The following THRB variants were observed in gnomAD, a reference collection of about 807,000 sequenced individuals.
THRB encodes nuclear receptor subfamily 1 group A member 2.
THRB carries 12 observed loss-of-function variants against 47.8 expected under a neutral mutation model. The ratio of observed to expected loss-of-function variants is 0.25; its 90% confidence interval spans 0.16 to 0.41. The LOEUF (loss-of-function observed/expected upper bound fraction) is 0.41, where lower values mean the gene tolerates loss of function less well. THRB is among the 10% of genes least tolerant of loss of function. The pLI is 1.00. For missense variants in THRB, 348 were observed against 589.2 expected (o/e 0.59, Z 4.24); for synonymous variants, 218 against 212.2 (o/e 1.03, Z -0.24).
intron 1 of THRB, among the ~76,000 whole-genome samples, chr3:24,367,824 C>A (rs1244214181): frequency 1.3e-5 from 2 of 152,094 alleles, no homozygotes; most frequent in African/African-American, 4.8e-5. Context: ...AACTAAAACA[C>A]AAAGAGTAAG....
intron 1 of THRB, among the ~76,000 whole-genome samples, chr3:24,438,498 A>C (rs546887280): frequency 1.6e-5 from 2 of 127,350 alleles, no homozygotes; most frequent in South Asian, 5.9e-4. Context: ...TGTCAGAGAG[A>C]ACAAAAAGGT....
intron 1 of THRB, among the ~76,000 whole-genome samples, chr3:24,402,419 C>T (rs377142366): frequency 2.7e-4 from 41 of 151,724 alleles, no homozygotes; most frequent in African/African-American, 9.2e-4. Context: ...AATTTGGGAA[C>T]TGCTGTTCTA....
intron 4 of THRB, among the ~76,000 whole-genome samples, chr3:24,206,116 T>C (rs1392016572): frequency 6.6e-6 from 1 of 152,024 alleles, no homozygotes. Context: ...AACAAGGATA[T>C]CCAGGAATTG....
intron 5 of THRB, among the ~76,000 whole-genome samples, chr3:24,152,733 G>A (rs906247105): frequency 6.6e-6 from 1 of 152,026 alleles, no homozygotes; most frequent in African/African-American, 2.4e-5. Flanking sequence ...GGCCCAGGCA[G>A]GTGGATCACC....
chr3:24,354,826 C>T lies in THRB; in HGVS notation c.-260-17455G>A, dbSNP rs116271714. The stretch of plus-strand genomic sequence containing the variant: ...TTTCCATCCATCCTCCAATGAGGAG[C>T]TCACAGAAGGCTCAAGATAAAAAAG... On this transcript the variant is annotated intron_variant, in intron 1 of 10. Coordinates refer to ENST00000646209, the MANE Select transcript of THRB (RefSeq NM_001354712.2). 3.3e-3 allele frequency among the ~76,000 whole-genome samples: 495 copies of T among 152,226 alleles called. 1 individual carries two copies. Among genetic ancestry groups the T allele is most frequent in the African/African-American group, 0.011 (466 of 41,544 alleles).
chr3:24,336,306 T>TA (rs1483534265), intron 2 of THRB, among the ~76,000 whole-genome samples: 1 of 152,026 alleles, frequency 6.6e-6, no homozygotes, highest in African/African-American at 2.4e-5. Flanking sequence ...GCCTCGACAA[T>TA]AGGCCAGAGG....
intron 3 of THRB, among the ~76,000 whole-genome samples, chr3:24,268,006 G>T (rs533782280): frequency 2.0e-5 from 3 of 152,210 alleles, no homozygotes; most frequent in Admixed American, 2.0e-4. Context: ...GGCACACAAA[G>T]AAAGTTCTCT....
chr3:24,264,367 G>T (rs2052418453), intron 3 of THRB, among the ~76,000 whole-genome samples: 1 of 152,058 alleles, frequency 6.6e-6, no homozygotes, highest in Admixed American at 6.6e-5. Context: ...AAAAATAACT[G>T]TGTTTATTGT....
intron 3 of THRB, among the ~76,000 whole-genome samples, chr3:24,295,812 T>A (rs1407031165): frequency 6.6e-6 from 1 of 152,216 alleles, no homozygotes; most frequent in Non-Finnish European, 1.5e-5. Context: ...AGGTTCCCTA[T>A]CTGTAAAGCG....
chr3:24,205,677 A>C lies in THRB; in HGVS notation c.23-15343T>G, dbSNP rs1193614625. ...ATTAACCTTAAATGTAAATGGGCTC[A>C]TTGCTCCAATTAAAAGACACAGACT... On this transcript the variant is annotated intron_variant, in intron 4 of 10. Coordinates refer to ENST00000646209, the MANE Select transcript of THRB (RefSeq NM_001354712.2). Among the ~76,000 whole-genome samples the C allele has an allele frequency of 3.3e-5, 5 of 152,226 alleles. No homozygotes were observed. In the East Asian group the frequency reaches 9.6e-4, roughly 29 times the overall value.
rs375895967 is a variant in THRB, at chr3:24,255,371, T to C, written c.-42-26370A>G. ...TCACATATATAATACAATATATACA[T>C]ATACAATACAACACATATACAATAA... On this transcript the variant is annotated intron_variant, in intron 3 of 10. Coordinates refer to ENST00000646209, the MANE Select transcript of THRB (RefSeq NM_001354712.2). 7.9e-5 allele frequency among the ~76,000 whole-genome samples: 12 copies of C among 152,310 alleles called. No homozygotes were observed. In the East Asian group the frequency reaches 1.3e-3, roughly 17 times the overall value.
intron 1 of THRB, among the ~76,000 whole-genome samples, chr3:24,403,131 T>C (rs1170027617): frequency 6.6e-6 from 1 of 151,968 alleles, no homozygotes; most frequent in East Asian, 1.9e-4. Context: ...CAGAATGTCA[T>C]AACATTGAGT....
chr3:24,289,456 T>C (rs2150957946), intron 3 of THRB, among the ~76,000 whole-genome samples: 1 of 152,342 alleles, frequency 6.6e-6, no homozygotes, highest in African/African-American at 2.4e-5. Flanking sequence ...TCCATTTTTT[T>C]TTCTTCAGGT....
At chr3:24,265,184 G>C (rs1478799064) in intron 3 of THRB, among the ~76,000 whole-genome samples, 1 of 151,988 alleles carries the variant, frequency 6.6e-6, no homozygotes, top group African/African-American at 2.4e-5. Flanking sequence ...CAGAAAGAAG[G>C]GCAGTGAAAG....
chr3:24,158,211 G>A (rs997099004), intron 5 of THRB, among the ~76,000 whole-genome samples: 2 of 152,120 alleles, frequency 1.3e-5, no homozygotes, highest in Admixed American at 1.3e-4. Flanking sequence ...ACAGTGTAAC[G>A]ATCAACTGAA....
chr3:24,334,788 A>T (rs950065701), intron 2 of THRB, among the ~76,000 whole-genome samples: 4 of 152,200 alleles, frequency 2.6e-5, no homozygotes, highest in African/African-American at 4.8e-5. Flanking sequence ...AGTTCAGATC[A>T]GTGTGACCCT....
intron 1 of THRB, among the ~76,000 whole-genome samples, chr3:24,451,392 C>A (rs2072639688): frequency 1.3e-5 from 2 of 152,118 alleles, no homozygotes; most frequent in South Asian, 2.1e-4. Flanking sequence ...TGCCACCATG[C>A]CTAGCTAATT....
intron 8 of THRB, among the ~76,000 whole-genome samples, chr3:24,138,428 G>A (rs1004995850): frequency 3.9e-4 from 59 of 152,178 alleles, no homozygotes; most frequent in African/African-American, 1.4e-3. Flanking sequence ...GATAGTGCAT[G>A]TAGTAACCAC....
chr3:24,369,190 C>T (rs1305451499), intron 1 of THRB, among the ~76,000 whole-genome samples: 3 of 151,946 alleles, frequency 2.0e-5, no homozygotes, highest in Non-Finnish European at 4.4e-5. Context: ...TAAATAAATG[C>T]CAATGCTGGA....
Sources: gnomAD v4.1 joint callset for allele counts (sites outside exome capture counted in the v4.1 genomes callset) on GRCh38, gnomAD v4.1.1 for gene constraint, MANE v1.5 for transcripts, NCBI Gene and HGNC (gene_info 2026-07-23, HGNC 2026-07-21) for gene names.